The following CEP112 variants were observed in gnomAD, a reference collection of about 807,000 sequenced individuals.
CEP112 encodes centrosomal protein of 112 kDa.
A neutral mutation model predicts 153.0 loss-of-function variants in CEP112; 127 were observed. That is an observed-to-expected ratio of 0.83 (90% CI 0.72 to 0.96). The LOEUF is 0.96. CEP112 is among the 40% of genes least tolerant of loss of function. CEP112 has a pLI of 0.00. For missense variants in CEP112, 1,089 were observed against 1,101.2 expected (o/e 0.99, Z 0.16); for synonymous variants, 358 against 374.4 (o/e 0.96, Z 0.51).
chr17:65,822,593 C>G lies in CEP112; in HGVS notation c.2394+29211G>C, dbSNP rs138248335. 2.6e-5 allele frequency among the ~76,000 whole-genome samples: 4 copies of G among 152,132 alleles called. No homozygotes were observed. The East Asian group carries it at 7.7e-4, about 29-fold the overall frequency. ...GTTGGTTGAACCCATGAGTACAGAA[C>G]CTACAGACACAGAAGACAGATTATA... On this transcript the variant is annotated intron_variant, in intron 21 of 26. Coordinates refer to ENST00000535342, the MANE Select transcript of CEP112 (RefSeq NM_001199165.4).
intron 21 of CEP112, among the ~76,000 whole-genome samples, chr17:65,782,489 G>A (rs1275684720): frequency 1.3e-5 from 2 of 152,140 alleles, no homozygotes; most frequent in East Asian, 3.9e-4. Flanking sequence ...CCATTACTGG[G>A]TATACAACCA....
At chr17:65,975,106 C>A (rs1218771378) in intron 17 of CEP112, among the ~76,000 whole-genome samples, 3 of 152,176 alleles carry the variant, frequency 2.0e-5, no homozygotes, top group Non-Finnish European at 2.9e-5. Flanking sequence ...ATCTTTGGAT[C>A]ATGTGCTCTT....
At chr17:66,035,317 A>T (rs1437503423) in intron 12 of CEP112, among the ~76,000 whole-genome samples, 1 of 151,594 alleles carries the variant, frequency 6.6e-6, no homozygotes, top group Non-Finnish European at 1.5e-5. Context: ...GGTCTGCACT[A>T]CTGGCCAGTC....
At chr17:66,000,975 T>C (rs1335473127) in intron 17 of CEP112, among the ~76,000 whole-genome samples, 1 of 152,224 alleles carries the variant, frequency 6.6e-6, no homozygotes, top group Admixed American at 6.6e-5. Context: ...ACAACTTCTC[T>C]ACAATGGCAG....
At chr17:65,881,900 A>G (rs1311366728) in intron 20 of CEP112, among the ~76,000 whole-genome samples, 2 of 152,238 alleles carry the variant, frequency 1.3e-5, no homozygotes, top group East Asian at 3.8e-4. Context: ...TAGGAATACT[A>G]CTGTTCCCTC....
At chr17:66,031,539 G>A (rs1318346656) in intron 12 of CEP112, among the ~76,000 whole-genome samples, 1 of 142,906 alleles carries the variant, frequency 7.0e-6, no homozygotes, top group Non-Finnish European at 1.5e-5. Flanking sequence ...GCTTACTACA[G>A]CCTCAACCTC....
At chr17:66,095,864 C>T (rs1337089975) in intron 8 of CEP112, among the ~76,000 whole-genome samples, 3 of 151,786 alleles carry the variant, frequency 2.0e-5, no homozygotes, top group African/African-American at 4.8e-5. Context: ...CACTTGAGGC[C>T]AACAGCTCAA....
intron 8 of CEP112, among the ~76,000 whole-genome samples, chr17:66,073,896 G>T (rs963036864): frequency 2.6e-5 from 4 of 151,864 alleles, no homozygotes; most frequent in Admixed American, 2.6e-4. Context: ...CAACCACAAG[G>T]TCCTTTATCT....
chr17:65,902,697 T>C (rs536352758), intron 19 of CEP112, among the ~76,000 whole-genome samples: 1 of 152,246 alleles, frequency 6.6e-6, no homozygotes, highest in African/African-American at 2.4e-5. Context: ...TATACACATG[T>C]AAAAAGCAGC....
At position 65,884,739 on chromosome 17, in the gene CEP112, C is replaced by T. The variant is rs533329478; in HGVS notation, c.2163+17413G>A. On this transcript the variant is annotated intron_variant, in intron 20 of 26. Coordinates refer to ENST00000535342, the MANE Select transcript of CEP112 (RefSeq NM_001199165.4). ...TTTTTCTTTTTTTTTTTTTTTGAGA[C>T]GGAGTTTTGCTCTTGTTGTCCAGGC... Among the ~76,000 whole-genome samples the T allele has an allele frequency of 3.7e-3, 387 of 105,968 alleles. 4 individuals are homozygous for T. Among genetic ancestry groups the T allele is most frequent in the Non-Finnish European group, 3.2e-3 (173 of 54,298 alleles). 69.5% of individuals were successfully genotyped at this position (105,968 alleles called of 152,430 possible). A position where few individuals can be genotyped will look rare whatever the true frequency, so the allele number is the denominator to read the frequency against.
At chr17:65,767,544 A>AAATG (rs2053062256) in intron 21 of CEP112, among the ~76,000 whole-genome samples, 1 of 149,254 alleles carries the variant, frequency 6.7e-6, no homozygotes, top group Admixed American at 6.7e-5. Context: ...GAAAAGAAAT[A>AAATG]GAGAATAGAA....
chr17:66,014,448 G>A (rs1410490254), intron 16 of CEP112, among the ~76,000 whole-genome samples: 1 of 152,156 alleles, frequency 6.6e-6, no homozygotes, highest in African/African-American at 2.4e-5. Flanking sequence ...TTCTTTTAAG[G>A]CTAAAGTCTC....
chr17:65,813,255 A>G (rs1440163547), intron 21 of CEP112, among the ~76,000 whole-genome samples: 1 of 152,210 alleles, frequency 6.6e-6, no homozygotes, highest in Non-Finnish European at 1.5e-5. Context: ...GTGATCAATA[A>G]GAGCTGAAAG....
At chr17:66,007,146 G>A (rs2145462508) in intron 16 of CEP112, among the ~76,000 whole-genome samples, 1 of 152,136 alleles carries the variant, frequency 6.6e-6, no homozygotes, top group African/African-American at 2.4e-5. Context: ...GAAAGTGAGG[G>A]TAGACAGGAC....
rs1384701262 is a variant in CEP112, at chr17:66,029,963, T to C, written c.1279A>G (p.Ser427Gly). 28 of 1,613,994 alleles carry C rather than the reference T, an allele frequency of 1.7e-5. No homozygotes were observed. Among genetic ancestry groups the C allele is most frequent in the Non-Finnish European group, 2.3e-5 (27 of 1,179,898 alleles). Residue 427 changes from serine (S) to glycine (G), a missense_variant, in exon 13 of 27, where the codon AGT (serine) becomes GGT (glycine). Transcript: ENST00000535342. ...ATTAATTTCTGCCTCTGTAAATTAC[T>C]GTTCTCTGCTTCTCCAGTCAGCTGC... is the stretch of plus-strand genomic sequence containing the variant. Reference protein sequence around the residue: ...VQQLTGEAENSNLQRQKLIQE... With the variant: ...VQQLTGEAENGNLQRQKLIQE...
At chr17:66,146,820 T>G (rs1247803872) in intron 4 of CEP112, among the ~76,000 whole-genome samples, 4 of 152,172 alleles carry the variant, frequency 2.6e-5, no homozygotes, top group Non-Finnish European at 1.5e-5. Flanking sequence ...GATTTATCCA[T>G]GTTGTCCCAT....
chr17:65,640,147 T>A (rs1261680372), intron 25 of CEP112, among the ~76,000 whole-genome samples: 1 of 100,372 alleles, frequency 1.0e-5, no homozygotes, highest in Non-Finnish European at 1.8e-5. Flanking sequence ...CATATATATA[T>A]ATATATATTT....
At chr17:66,140,311 T>C (rs907434573) in intron 4 of CEP112, among the ~76,000 whole-genome samples, 12 of 152,152 alleles carry the variant, frequency 7.9e-5, no homozygotes, top group African/African-American at 2.9e-4. Flanking sequence ...AGCCCATACC[T>C]AGCATAATAC....
At chr17:65,656,469 G>A (rs922811392) in intron 24 of CEP112, among the ~76,000 whole-genome samples, 3 of 152,158 alleles carry the variant, frequency 2.0e-5, no homozygotes, top group African/African-American at 4.8e-5. Flanking sequence ...ACATTTATGC[G>A]TGTTGCATCT....
Sources: allele counts gnomAD v4.1 joint callset (sites outside exome capture counted in the v4.1 genomes callset), GRCh38; gene constraint gnomAD v4.1.1; transcripts MANE v1.5; gene names NCBI Gene and HGNC (gene_info 2026-07-23, HGNC 2026-07-21).